The following HMGN5 variants were observed in gnomAD, a reference collection of about 807,000 sequenced individuals.
HMGN5 encodes high mobility group nucleosome binding domain 5.
HMGN5 carries 4 observed loss-of-function variants against 9.5 expected under a neutral mutation model. That is an observed-to-expected ratio of 0.42 (90% CI 0.21 to 0.96). The LOEUF is 0.96. HMGN5 is among the 40% of genes least tolerant of loss of function. The pLI, the probability that HMGN5 is intolerant of heterozygous loss-of-function variation, is 0.30. For synonymous variants in HMGN5, 55 were observed against 57.1 expected (o/e 0.96, Z 0.16); for missense variants, 192 against 187.5 (o/e 1.02, Z -0.14).
At chrX:81,159,579 T>A (rs1300656128) in intron 1 of HMGN5, among the ~76,000 whole-genome samples, 1 of 111,091 alleles carries the variant, frequency 9.0e-6, no homozygotes, top group Non-Finnish European at 1.9e-5. Context: ...GATGAATCAA[T>A]AACCATTTGA....
At chrX:81,130,658 T>G (rs1425831345) in intron 1 of HMGN5, among the ~76,000 whole-genome samples, 2 of 110,747 alleles carry the variant, frequency 1.8e-5, no homozygotes, top group Non-Finnish European at 3.8e-5. Flanking sequence ...CTCCCTGAGA[T>G]ACCCTGCCAT....
chrX:81,177,559 T>C (rs1327740578), intron 1 of HMGN5, among the ~76,000 whole-genome samples: 1 of 109,445 alleles, frequency 9.1e-6, no homozygotes, highest in African/African-American at 3.3e-5. Context: ...CCCAGATTCA[T>C]AAAGCAAGTC....
At chrX:81,116,154 A>T in intron 6 of HMGN5, 50 bp downstream of exon 6, 2 of 966,858 alleles carry the variant, frequency 2.1e-6, no homozygotes, top group Non-Finnish European at 2.9e-6. Flanking sequence ...TTTCAGTTGT[A>T]CCCATTGTTA....
At chrX:81,143,261 G>C (rs992494429) in intron 1 of HMGN5, among the ~76,000 whole-genome samples, 3 of 111,410 alleles carry the variant, frequency 2.7e-5, no homozygotes, top group Non-Finnish European at 5.7e-5. Context: ...ATAACAAAAT[G>C]GCAGGGTGAG....
rs2075246138 is a variant in HMGN5 at position 81,114,390 on chromosome X, C to CT, written c.*258dup. 1 of 223,907 alleles carries CT rather than the reference C, an allele frequency of 4.5e-6. No individual in the cohort carries two copies. Among genetic ancestry groups the CT allele is most frequent in the African/African-American group, 2.9e-5 (1 of 34,698 alleles). 18.5% of individuals were successfully genotyped at this position (223,907 alleles called of 1,213,427 possible). On this transcript the variant is annotated 3_prime_UTR_variant, in exon 7 of 7. Coordinates refer to ENST00000358130, the MANE Select transcript of HMGN5 (RefSeq NM_030763.3). The stretch of plus-strand genomic sequence containing the variant: ...TAAAATTCAAAGATTTGACATATAA[C>CT]TTACACAACACGAAATTCACTCACA...
intron 1 of HMGN5, among the ~76,000 whole-genome samples, chrX:81,131,163 A>T (rs1309809798): frequency 9.0e-6 from 1 of 111,724 alleles, no homozygotes; most frequent in Non-Finnish European, 1.9e-5. Flanking sequence ...CTATTAAAAC[A>T]TTTGCCAGTG....
chrX:81,151,576 A>G (rs1361730458), intron 1 of HMGN5, among the ~76,000 whole-genome samples: 1 of 111,134 alleles, frequency 9.0e-6, no homozygotes. Context: ...CTTCCTACCC[A>G]TGAGCATGGA....
At chrX:81,179,477 T>C (rs984670083) in intron 1 of HMGN5, among the ~76,000 whole-genome samples, 4 of 111,044 alleles carry the variant, frequency 3.6e-5, no homozygotes, top group African/African-American at 1.3e-4. Flanking sequence ...ATAAAATACC[T>C]AGGAATCCAA....
rs147110292 is a variant in HMGN5, at chrX:81,121,524, A to G, written c.15+11T>C. 6.0e-4 allele frequency: 717 copies of G among 1,201,655 alleles called. 3 individuals are homozygous for G. The African/African-American group carries it at 0.012, about 20-fold the overall frequency. ...CAGCTCATTCCCCGTCTGTCTTTCC[A>G]TTTCACTTACCTTTCTTTTGGGCAT... On this transcript the variant is annotated intron_variant, in intron 2 of 6. Transcript: ENST00000358130.
At chrX:81,161,880 G>A (rs2075398395) in intron 1 of HMGN5, among the ~76,000 whole-genome samples, 1 of 109,413 alleles carries the variant, frequency 9.1e-6, no homozygotes, top group Non-Finnish European at 1.9e-5. Context: ...AAATATACGA[G>A]CTAAAGGTTT....
At chrX:81,189,303 T>C (rs1602583598) in intron 1 of HMGN5, among the ~76,000 whole-genome samples, 1 of 111,599 alleles carries the variant, frequency 9.0e-6, no homozygotes, top group South Asian at 3.8e-4. Flanking sequence ...CCTGTAGGTG[T>C]ACTTGTTTTT....
Position 81,114,635 on chromosome X carries a change from T to G in HMGN5, c.*14A>C. On this transcript the variant is annotated 3_prime_UTR_variant, in exon 7 of 7. Coordinates refer to ENST00000358130, the MANE Select transcript of HMGN5 (RefSeq NM_030763.3). ...GGTACATGTTACCAAATTATGAAAC[T>G]ACATAGGGCAGTTTTAAACAATACT... The G allele has an allele frequency of 9.3e-7, 1 of 1,078,716 alleles. No individual in the cohort carries two copies. The highest frequency in any genetic ancestry group is 1.9e-5 in the African/African-American group (1 of 52,978). 88.9% of individuals were successfully genotyped at this position (1,078,716 alleles called of 1,213,427 possible).
intron 1 of HMGN5, among the ~76,000 whole-genome samples, chrX:81,145,220 A>G (rs2075340341): frequency 8.9e-6 from 1 of 112,039 alleles, no homozygotes; most frequent in Non-Finnish European, 1.9e-5. Flanking sequence ...GTTGAAATGA[A>G]GAAAAAAATG....
At chrX:81,180,091 A>C (rs971380297) in intron 1 of HMGN5, among the ~76,000 whole-genome samples, 2 of 112,179 alleles carry the variant, frequency 1.8e-5, no homozygotes, top group East Asian at 5.6e-4. Flanking sequence ...ACCTAAAACC[A>C]TAAAAACCCT....
chrX:81,162,331 A>G, intron 1 of HMGN5, among the ~76,000 whole-genome samples: 1 of 106,634 alleles, frequency 9.4e-6, no homozygotes. Context: ...AGTGCTTTGG[A>G]CTTCCAGACT....
chrX:81,174,168 C>A (rs1439332645), intron 1 of HMGN5, among the ~76,000 whole-genome samples: 1 of 111,219 alleles, frequency 9.0e-6, no homozygotes, highest in African/African-American at 3.2e-5. Context: ...TGTTTATCCA[C>A]AGAGACCTCA....
chrX:81,154,311 T>G (rs756858455), intron 1 of HMGN5, among the ~76,000 whole-genome samples: 2 of 111,530 alleles, frequency 1.8e-5, no homozygotes, highest in South Asian at 7.5e-4. Flanking sequence ...GATATCAGCA[T>G]GCAGAATAAT....
intron 1 of HMGN5, among the ~76,000 whole-genome samples, chrX:81,172,742 T>C (rs1292259597): frequency 9.0e-6 from 1 of 110,767 alleles, no homozygotes; most frequent in Admixed American, 9.6e-5. Context: ...GATAAAAAAA[T>C]TTTAAATGAC....
At chrX:81,121,286 G>A (rs373069292) in intron 2 of HMGN5, among the ~76,000 whole-genome samples, 38 of 110,391 alleles carry the variant, frequency 3.4e-4, no homozygotes, top group Non-Finnish European at 7.0e-4. Flanking sequence ...AATTCAGCAT[G>A]GAGACACCTT....
Sources: gnomAD v4.1 joint callset for allele counts (sites outside exome capture counted in the v4.1 genomes callset) on GRCh38, gnomAD v4.1.1 for gene constraint, MANE v1.5 for transcripts, NCBI Gene and HGNC (gene_info 2026-07-23, HGNC 2026-07-21) for gene names.